The following MAPK10 variants were observed in gnomAD, a reference collection of about 807,000 sequenced individuals.
The protein encoded by MAPK10 is JNK3 alpha protein kinase.
In MAPK10, 25 loss-of-function variants were observed where a neutral mutation model predicts 59.3. That is an observed-to-expected ratio of 0.42 (90% confidence interval 0.31 to 0.59). The LOEUF is 0.59. Among genes scored for constraint, MAPK10 ranks in the 20% least tolerant of loss-of-function variants. The pLI, the probability that MAPK10 is intolerant of heterozygous loss-of-function variation, is 0.15. For missense variants in MAPK10, 351 were observed against 568.9 expected (o/e 0.62, Z 3.90); for synonymous variants, 190 against 200.5 (o/e 0.95, Z 0.44).
chr4:86,317,915 C>T (rs572883469), intron 2 of MAPK10, among the ~76,000 whole-genome samples: 4 of 152,296 alleles, frequency 2.6e-5, no homozygotes, highest in East Asian at 3.9e-4. Flanking sequence ...AGAGGAGCCT[C>T]GTTTCTTGCT....
intron 1 of MAPK10, among the ~76,000 whole-genome samples, chr4:86,367,785 G>A (rs902229724): frequency 4.0e-5 from 6 of 151,880 alleles, no homozygotes; most frequent in Non-Finnish European, 8.8e-5. Flanking sequence ...CTATGCTATA[G>A]GCATTGTTTC....
At chr4:86,433,281 G>A (rs1379871399) in intron 1 of MAPK10, among the ~76,000 whole-genome samples, 1 of 152,040 alleles carries the variant, frequency 6.6e-6, no homozygotes, top group East Asian at 1.9e-4. Flanking sequence ...AACAGGAGCT[G>A]CCTCCCCAAC....
At chr4:86,345,272 C>T (rs574111260) in intron 2 of MAPK10, among the ~76,000 whole-genome samples, 5 of 152,248 alleles carry the variant, frequency 3.3e-5, no homozygotes, top group South Asian at 2.1e-4. Flanking sequence ...TGGATGAGAC[C>T]GCTTAGGTAT....
chr4:86,455,799 C>T (rs908695753), upstream of MAPK10, among the ~76,000 whole-genome samples: 1 of 152,128 alleles, frequency 6.6e-6, no homozygotes, highest in Non-Finnish European at 1.5e-5. Context: ...TGCACTGGAA[C>T]AAATAGACTT....
chr4:86,134,562 TCA>T (rs1313343970), intron 4 of MAPK10, among the ~76,000 whole-genome samples: 1 of 152,220 alleles, frequency 6.6e-6, no homozygotes, highest in Non-Finnish European at 1.5e-5. Flanking sequence ...ATAACAACAT[TCA>T]GTTATTTCAA....
chr4:86,094,142 C>A (rs1028890203), intron 9 of MAPK10, among the ~76,000 whole-genome samples: 2 of 151,972 alleles, frequency 1.3e-5, no homozygotes, highest in African/African-American at 2.4e-5. Flanking sequence ...ATATAACAAT[C>A]TGTAACCACA....
intron 4 of MAPK10, chr4:86,120,611 G>A (rs2059079074): frequency 6.6e-6 from 1 of 152,214 alleles, no homozygotes; most frequent in Admixed American, 6.5e-5. Flanking sequence ...GGTAGGTGAT[G>A]GAATGCACAC....
upstream of MAPK10, among the ~76,000 whole-genome samples, chr4:86,456,673 C>A (rs1403992767): frequency 6.6e-6 from 1 of 151,848 alleles, no homozygotes; most frequent in Non-Finnish European, 1.5e-5. Context: ...AAAAAAATTA[C>A]CAACAAAAAA....
At chr4:86,043,772 C>G (rs2042024061) in intron 11 of MAPK10, among the ~76,000 whole-genome samples, 1 of 152,106 alleles carries the variant, frequency 6.6e-6, no homozygotes. Flanking sequence ...ACAGCATTAT[C>G]ATGTTTTCTT....
chr4:86,412,741 T>A (rs1745351203), intron 1 of MAPK10, among the ~76,000 whole-genome samples: 4 of 152,370 alleles, frequency 2.6e-5, no homozygotes, highest in African/African-American at 9.6e-5. Flanking sequence ...GCTGTGGTTT[T>A]CAACTCCATC....
chr4:86,530,921 T>A (rs182581064), intron 1 of MAPK10, among the ~76,000 whole-genome samples: 1 of 152,304 alleles, frequency 6.6e-6, no homozygotes, highest in African/African-American at 2.4e-5. Context: ...AGAAGACTAC[T>A]TAGAGAGGCT....
At chr4:86,384,613 A>G (rs948349853) in intron 1 of MAPK10, among the ~76,000 whole-genome samples, 1 of 152,168 alleles carries the variant, frequency 6.6e-6, no homozygotes, top group African/African-American at 2.4e-5. Flanking sequence ...ACATCAGCTG[A>G]GGCAAGAGAT....
chr4:86,106,143 G>A (rs1192885860), intron 5 of MAPK10, among the ~76,000 whole-genome samples: 1 of 152,062 alleles, frequency 6.6e-6, no homozygotes, highest in Non-Finnish European at 1.5e-5. Flanking sequence ...GAGTAACAGA[G>A]GAAAAGAGAA....
At chr4:86,499,459 T>G (rs912525271) in intron 1 of MAPK10, among the ~76,000 whole-genome samples, 22 of 152,166 alleles carry the variant, frequency 1.4e-4, no homozygotes, top group African/African-American at 5.1e-4. Flanking sequence ...TCGGTTATTT[T>G]CTTGCCAGGG....
chr4:86,571,423 ACAAAAATG>A (rs1761444386), intron 1 of MAPK10, among the ~76,000 whole-genome samples: 1 of 151,464 alleles, frequency 6.6e-6, no homozygotes, highest in Non-Finnish European at 1.5e-5. Context: ...TCCAAACATC[ACAAAAATG>A]ATGGCAGGAA....
At chr4:86,187,912 T>A (rs978953656) in intron 3 of MAPK10, among the ~76,000 whole-genome samples, 48 of 151,626 alleles carry the variant, frequency 3.2e-4, no homozygotes, top group Admixed American at 7.9e-4. Context: ...ATTCTATCCC[T>A]CTCGACATGC....
intron 4 of MAPK10, among the ~76,000 whole-genome samples, chr4:86,150,576 G>A (rs1220627100): frequency 6.6e-6 from 1 of 152,152 alleles, no homozygotes; most frequent in Non-Finnish European, 1.5e-5. Context: ...AATTGGAACT[G>A]CTTGGCCAGG....
intron 3 of MAPK10, among the ~76,000 whole-genome samples, chr4:86,159,910 A>G (rs904936643): frequency 6.6e-6 from 1 of 152,032 alleles, no homozygotes; most frequent in African/African-American, 2.4e-5. Context: ...TTGTATCTAC[A>G]ACCTTTTCTC....
chr4:86,313,116 C>G (rs924252102), intron 2 of MAPK10, among the ~76,000 whole-genome samples: 34 of 151,916 alleles, frequency 2.2e-4, no homozygotes, highest in African/African-American at 7.7e-4. Flanking sequence ...GATAGATATA[C>G]TTTTTACAAT....
Sources: gnomAD v4.1 joint callset for allele counts (sites outside exome capture counted in the v4.1 genomes callset) on GRCh38, gnomAD v4.1.1 for gene constraint, MANE v1.5 for transcripts, NCBI Gene and HGNC (gene_info 2026-07-23, HGNC 2026-07-21) for gene names.